Variants in GAS7 observed in about 807,000 individuals in gnomAD.
The protein encoded by GAS7 is growth arrest-specific protein 7.
A neutral mutation model predicts 71.1 loss-of-function variants in GAS7; 28 were observed. That is an observed-to-expected ratio of 0.39 (90% CI 0.29 to 0.54). The LOEUF (loss-of-function observed/expected upper bound fraction) is 0.54, where lower values mean the gene tolerates loss of function less well. Among genes scored for constraint, GAS7 ranks in the 20% least tolerant of loss-of-function variants. The pLI is 0.62. For synonymous variants in GAS7, 258 were observed against 245.8 expected, an observed-to-expected ratio of 1.05 and a Z score of -0.46; for missense variants, 436 against 627.8, an observed-to-expected ratio of 0.69 and a Z score of 3.27.
chr17:10,057,562 C>T (rs1343044367), intron 1 of GAS7, among the ~76,000 whole-genome samples: 3 of 151,450 alleles, frequency 2.0e-5, no homozygotes, highest in Non-Finnish European at 4.4e-5. Flanking sequence ...ACCCGGCAGC[C>T]GCCCCGTCAG....
intron 1 of GAS7, among the ~76,000 whole-genome samples, chr17:10,124,576 G>A (rs183737004): frequency 1.3e-5 from 2 of 152,306 alleles, no homozygotes; most frequent in Admixed American, 6.5e-5. Context: ...CTTAGCCAGC[G>A]AATGGGGCAC....
intron 1 of GAS7, among the ~76,000 whole-genome samples, chr17:10,081,481 C>T (rs1239383611): frequency 6.6e-6 from 1 of 152,134 alleles, no homozygotes. Flanking sequence ...GCATAAAAAG[C>T]AAAATCCCTA....
chr17:9,983,182 T>G (rs1485376179), intron 2 of GAS7, among the ~76,000 whole-genome samples: 1 of 152,242 alleles, frequency 6.6e-6, no homozygotes, highest in Non-Finnish European at 1.5e-5. Context: ...TATGTATAAA[T>G]TTTTGTGAAT....
intron 1 of GAS7, among the ~76,000 whole-genome samples, chr17:10,073,211 C>A (rs569833901): frequency 6.6e-6 from 1 of 152,304 alleles, no homozygotes; most frequent in East Asian, 1.9e-4. Context: ...GGCCGTGTGG[C>A]TCAGCCGGAG....
chr17:9,960,701 T>A (rs2069453246), intron 4 of GAS7, among the ~76,000 whole-genome samples: 1 of 152,190 alleles, frequency 6.6e-6, no homozygotes, highest in Admixed American at 6.5e-5. Context: ...GTCAGCAAAT[T>A]AGGCAAACCA....
chr17:10,182,046 C>G (rs2074420776), intron 1 of GAS7, among the ~76,000 whole-genome samples: 1 of 152,158 alleles, frequency 6.6e-6, no homozygotes, highest in South Asian at 2.1e-4. Flanking sequence ...ACCCCTTTCC[C>G]AGAAATCTCA....
At position 10,031,746 on chromosome 17, in the gene GAS7, A is replaced by G. The variant is rs140554139; in HGVS notation, c.184-11849T>C. Among the ~76,000 whole-genome samples, 42 of 152,336 alleles carry G rather than the reference A, an allele frequency of 2.8e-4. 1 individual carries two copies. The East Asian group carries it at 7.5e-3, about 27-fold the overall frequency. On this transcript the variant is annotated intron_variant, in intron 1 of 13. Transcript: ENST00000432992. ...AATGAGGAAAACTCTGAATGTGAGC[A>G]TGTTTCTTGCATCTGAGATGGCCCG...
chr17:10,004,064 A>G (rs903999838), intron 2 of GAS7, among the ~76,000 whole-genome samples: 1 of 152,196 alleles, frequency 6.6e-6, no homozygotes. Flanking sequence ...ACAGCCTCGT[A>G]GGGTGTTTAG....
intron 1 of GAS7, among the ~76,000 whole-genome samples, chr17:10,106,872 T>TTAA (rs2073761992): frequency 6.6e-6 from 1 of 152,174 alleles, no homozygotes; most frequent in Non-Finnish European, 1.5e-5. Context: ...CATGACTGAC[T>TTAA]TAAGGATTTT....
chr17:9,932,194 C>CTTTT (rs34286699), intron 9 of GAS7, among the ~76,000 whole-genome samples: 10 of 116,154 alleles, frequency 8.6e-5, no homozygotes, highest in Non-Finnish European at 1.0e-4. Context: ...GTCCCCCCCG[C>CTTTT]TTTTTTTTTT....
chr17:10,168,747 C>A (rs549091135), intron 1 of GAS7, among the ~76,000 whole-genome samples: 1 of 151,882 alleles, frequency 6.6e-6, no homozygotes, highest in East Asian at 1.9e-4. Context: ...CTGAGGCGGG[C>A]GGATCACAAG....
intron 1 of GAS7, among the ~76,000 whole-genome samples, chr17:10,091,677 C>T (rs147996836): frequency 0.068 from 10,308 of 152,084 alleles, 558 homozygotes; most frequent in African/African-American, 0.14. Flanking sequence ...TGAGCCACCA[C>T]GCCCAGCTGG....
intron 1 of GAS7, among the ~76,000 whole-genome samples, chr17:10,021,278 T>G (rs997198156): frequency 3.9e-5 from 6 of 152,160 alleles, no homozygotes; most frequent in Admixed American, 3.9e-4. Context: ...TGGTGGTCCC[T>G]GGTGACCCCC....
At chr17:9,994,488 C>A (rs930684945) in intron 2 of GAS7, among the ~76,000 whole-genome samples, 1 of 144,202 alleles carries the variant, frequency 6.9e-6, no homozygotes, top group Non-Finnish European at 1.5e-5. Flanking sequence ...ATGTAGAAAG[C>A]TGAAACTGGA....
At chr17:10,042,313 A>G (rs1045219570) in intron 1 of GAS7, among the ~76,000 whole-genome samples, 1 of 150,780 alleles carries the variant, frequency 6.6e-6, no homozygotes, top group Non-Finnish European at 1.5e-5. Flanking sequence ...AAAAAAAAAA[A>G]AAGATAATTA....
rs761064462 is a variant in GAS7 at position 10,019,763 on chromosome 17, C to A, written c.304+14G>T. The A allele has an allele frequency of 5.0e-6, 8 of 1,609,246 alleles. No individual in the cohort carries two copies. Among genetic ancestry groups the A allele is most frequent in the Non-Finnish European group, 5.9e-6 (7 of 1,177,042 alleles). The stretch of plus-strand genomic sequence containing the variant: ...AGGGGGTTGGTGCAGGATTCTCCCC[C>A]GAGCGGGACTCACCATTGGTGGTCG... On this transcript the variant is annotated intron_variant, in intron 2 of 13. Coordinates refer to ENST00000432992, the MANE Select transcript of GAS7 (RefSeq NM_201433.2).
intron 1 of GAS7, among the ~76,000 whole-genome samples, chr17:10,181,144 G>A (rs927568808): frequency 2.7e-5 from 4 of 146,452 alleles, no homozygotes; most frequent in East Asian, 1.9e-4. Flanking sequence ...GGCACATCAC[G>A]AGGTCAGGAG....
intron 1 of GAS7, among the ~76,000 whole-genome samples, chr17:10,140,919 A>G (rs2074074847): frequency 6.6e-6 from 1 of 152,242 alleles, no homozygotes; most frequent in Non-Finnish European, 1.5e-5. Context: ...CACACTGGCC[A>G]CTATGCCTCA....
chr17:10,187,081 C>T (rs376002181), intron 1 of GAS7, among the ~76,000 whole-genome samples: 5 of 152,312 alleles, frequency 3.3e-5, no homozygotes, highest in East Asian at 1.9e-4. Context: ...TCCAAACACA[C>T]GGCAGGATTG....
Sources: allele counts gnomAD v4.1 joint callset (sites outside exome capture counted in the v4.1 genomes callset), GRCh38; gene constraint gnomAD v4.1.1; transcripts MANE v1.5; gene names NCBI Gene and HGNC (gene_info 2026-07-23, HGNC 2026-07-21).